Variants in CSMD1 observed in about 807,000 individuals in gnomAD.
CSMD1 encodes the protein CUB and Sushi multiple domains 1, also known as CUB and sushi domain-containing protein 1.
CSMD1 carries 213 observed loss-of-function variants against 417.5 expected under a neutral mutation model. The ratio of observed to expected loss-of-function variants is 0.51; its 90% CI spans 0.46 to 0.57. The LOEUF is 0.57. Ranked by LOEUF, CSMD1 falls within the 20% of genes least tolerant of loss-of-function variation. CSMD1 has a pLI of 0.00. For missense variants in CSMD1, 6,923 were observed against 4,529.7 expected, an observed-to-expected ratio of 1.53 and a Z score of -15.17; for synonymous variants, 2,862 against 1,736.8, an observed-to-expected ratio of 1.65 and a Z score of -16.11.
intron 2 of CSMD1, among the ~76,000 whole-genome samples, chr8:4,631,644 T>C (rs1283733598): frequency 6.6e-6 from 1 of 152,180 alleles, no homozygotes; most frequent in Non-Finnish European, 1.5e-5. Flanking sequence ...AAAACTGTTT[T>C]TAAAAATATT....
At chr8:4,455,017 T>C (rs545768663) in intron 2 of CSMD1, among the ~76,000 whole-genome samples, 5 of 149,728 alleles carry the variant, frequency 3.3e-5, no homozygotes, top group Non-Finnish European at 7.4e-5. Flanking sequence ...GCTATCCCAG[T>C]GTGTCAGTCC....
intron 25 of CSMD1, among the ~76,000 whole-genome samples, chr8:3,299,308 T>G (rs1346697796): frequency 6.6e-6 from 1 of 151,894 alleles, no homozygotes; most frequent in African/African-American, 2.4e-5. Flanking sequence ...AAAAATCAGC[T>G]GGGCATGGTG....
chr8:3,170,724 C>G (rs568945142), intron 37 of CSMD1, among the ~76,000 whole-genome samples: 1 of 152,220 alleles, frequency 6.6e-6, no homozygotes, highest in South Asian at 2.1e-4. Flanking sequence ...ATGTGAAGAT[C>G]AAAAATTGTT....
chr8:3,848,151 G>C (rs2129098230), intron 5 of CSMD1, among the ~76,000 whole-genome samples: 1 of 152,010 alleles, frequency 6.6e-6, no homozygotes, highest in South Asian at 2.1e-4. Flanking sequence ...TGCTGTATGT[G>C]GTGGATGAGA....
chr8:4,708,920 G>A (rs1002418067), intron 1 of CSMD1, among the ~76,000 whole-genome samples: 1 of 152,102 alleles, frequency 6.6e-6, no homozygotes, highest in East Asian at 1.9e-4. Context: ...ATACAGGAAG[G>A]TGGTCATTCA....
intron 12 of CSMD1, among the ~76,000 whole-genome samples, chr8:3,460,294 A>G (rs1001257157): frequency 1.3e-5 from 2 of 152,136 alleles, no homozygotes; most frequent in Non-Finnish European, 2.9e-5. Flanking sequence ...GGTAAAAGAG[A>G]GGAAAAAAGG....
intron 26 of CSMD1, among the ~76,000 whole-genome samples, chr8:3,253,485 C>A (rs1196757308): frequency 6.6e-6 from 1 of 152,070 alleles, no homozygotes; most frequent in Non-Finnish European, 1.5e-5. Context: ...TGGTGTGGTG[C>A]TGAAAAGAAT....
At chr8:3,462,221 G>A (rs1816549952) in intron 12 of CSMD1, among the ~76,000 whole-genome samples, 1 of 152,084 alleles carries the variant, frequency 6.6e-6, no homozygotes, top group African/African-American at 2.4e-5. Flanking sequence ...GGCCACCCAT[G>A]TCAATGGTCA....
intron 5 of CSMD1, among the ~76,000 whole-genome samples, chr8:3,924,418 G>C (rs1295973382): frequency 6.6e-6 from 1 of 152,092 alleles, no homozygotes; most frequent in Non-Finnish European, 1.5e-5. Context: ...TCCCTCTCCA[G>C]ATTTGGAAAG....
Position 4,465,543 on chromosome 8 carries a change from C to T in CSMD1, c.303-45478G>A, listed in dbSNP as rs538371832. On this transcript the variant is annotated intron_variant, in intron 2 of 69. Coordinates refer to ENST00000635120, the MANE Select transcript of CSMD1 (RefSeq NM_033225.6). Reference sequence around the variant, plus strand: ...ATGGAAGCACATACAACTCCACTCTCAGAATGGAAGTCAAGTAAAGCAATG... The same window carrying T: ...ATGGAAGCACATACAACTCCACTCTTAGAATGGAAGTCAAGTAAAGCAATG... Among the ~76,000 whole-genome samples, 17 of 152,272 alleles carry T rather than the reference C, an allele frequency of 1.1e-4. No individual in the cohort carries two copies. The South Asian group carries it at 3.5e-3, about 32-fold the overall frequency.
At chr8:4,222,449 G>T (rs1052881040) in intron 3 of CSMD1, among the ~76,000 whole-genome samples, 3 of 151,958 alleles carry the variant, frequency 2.0e-5, no homozygotes, top group African/African-American at 7.3e-5. Context: ...TGTGCATTGT[G>T]TAGTACCTGG....
At chr8:4,858,012 T>G (rs1216326589) in intron 1 of CSMD1, among the ~76,000 whole-genome samples, 1 of 152,158 alleles carries the variant, frequency 6.6e-6, no homozygotes, top group Admixed American at 6.5e-5. Flanking sequence ...GCAAAAATCC[T>G]CAGTAACATA....
At position 3,473,025 on chromosome 8, in the gene CSMD1, G is replaced by A. The variant is rs376995163; in HGVS notation, c.1449-4201C>T. Among the ~76,000 whole-genome samples the A allele has an allele frequency of 1.3e-4, 20 of 151,974 alleles. No homozygotes were observed. In the South Asian group the frequency reaches 3.9e-3, roughly 30 times the overall value. On this transcript the variant is annotated intron_variant, in intron 11 of 69. Coordinates refer to ENST00000635120, the MANE Select transcript of CSMD1 (RefSeq NM_033225.6). ...GCTCCTAACTCTGTCTCCTGGTTCT[G>A]GCATTTCATCTCCCCTAGACATTCG...
At chr8:3,821,546 G>C (rs1801736324) in intron 5 of CSMD1, among the ~76,000 whole-genome samples, 1 of 152,168 alleles carries the variant, frequency 6.6e-6, no homozygotes, top group Non-Finnish European at 1.5e-5. Flanking sequence ...ACTTTGAAAG[G>C]CCGAGGAGGG....
intron 8 of CSMD1, among the ~76,000 whole-genome samples, chr8:3,615,747 T>G (rs1802105304): frequency 6.6e-6 from 1 of 152,178 alleles, no homozygotes; most frequent in South Asian, 2.1e-4. Flanking sequence ...CTTAGCTCTG[T>G]GAACCTTTTT....
chr8:3,257,811 G>A (rs1585825445), intron 26 of CSMD1, among the ~76,000 whole-genome samples: 1 of 152,296 alleles, frequency 6.6e-6, no homozygotes, highest in Admixed American at 6.5e-5. Context: ...ATCGGTGGGT[G>A]GGGTGAGGGG....
chr8:3,675,759 A>G (rs1188599603), intron 7 of CSMD1, among the ~76,000 whole-genome samples: 1 of 152,082 alleles, frequency 6.6e-6, no homozygotes, highest in East Asian at 1.9e-4. Flanking sequence ...CAAAACTGTG[A>G]GAAATATATG....
chr8:4,855,383 C>T (rs1801738314), intron 1 of CSMD1, among the ~76,000 whole-genome samples: 1 of 152,160 alleles, frequency 6.6e-6, no homozygotes, highest in Admixed American at 6.5e-5. Context: ...GAACGCAGTT[C>T]CTCACCAGCA....
intron 5 of CSMD1, among the ~76,000 whole-genome samples, chr8:3,828,460 C>T (rs1802180062): frequency 6.6e-6 from 1 of 152,072 alleles, no homozygotes; most frequent in Non-Finnish European, 1.5e-5. Context: ...ATATAAAAAC[C>T]CATGTGAATA....
Sources: gnomAD v4.1 joint callset for allele counts (sites outside exome capture counted in the v4.1 genomes callset) on GRCh38, gnomAD v4.1.1 for gene constraint, MANE v1.5 for transcripts, NCBI Gene and HGNC (gene_info 2026-07-23, HGNC 2026-07-21) for gene names.